Variants in HVCN1 observed in about 807,000 individuals in gnomAD.
HVCN1 encodes the protein voltage-gated hydrogen channel 1.
HVCN1 carries 14 observed loss-of-function variants against 29.2 expected under a neutral mutation model. The ratio of observed to expected loss-of-function variants is 0.48; its 90% CI spans 0.32 to 0.75. HVCN1 has a LOEUF of 0.75. HVCN1 is among the 30% of genes least tolerant of loss of function. The pLI is 0.04. For synonymous variants in HVCN1, 131 were observed against 133.2 expected (o/e 0.98, Z 0.11); for missense variants, 263 against 341.8 (o/e 0.77, Z 1.82).
At chr12:110,697,649 C>CT (rs570801385) in intron 2 of HVCN1, among the ~76,000 whole-genome samples, 4,617 of 134,190 alleles carry the variant, frequency 0.034, 271 homozygotes, top group African/African-American at 0.11. Context: ...CGCGAAGCAT[C>CT]TTTTTTTTTT....
At chr12:110,692,152 G>C (rs374568729), upstream of HVCN1, among the ~76,000 whole-genome samples, 244 of 152,192 alleles carry the variant, frequency 1.6e-3, 2 homozygotes, top group African/African-American at 5.7e-3. Context: ...AATAAGATTG[G>C]GGTGCCCTCC....
chr12:110,675,318 G>C (rs1236194430), intron 3 of HVCN1, among the ~76,000 whole-genome samples: 1 of 152,268 alleles, frequency 6.6e-6, no homozygotes, highest in South Asian at 2.1e-4. Context: ...AATTAGCCAG[G>C]CGTGGTGGCG....
intron 5 of HVCN1, among the ~76,000 whole-genome samples, chr12:110,652,738 A>G (rs1338615984): frequency 1.3e-5 from 2 of 152,232 alleles, no homozygotes; most frequent in Admixed American, 6.5e-5. Context: ...TGTAGAAGGA[A>G]AGACAGAAAA....
At chr12:110,650,101 T>TC in intron 7 of HVCN1, 67 bp downstream of exon 7, 1 of 1,100,108 alleles carries the variant, frequency 9.1e-7, no homozygotes. Flanking sequence ...TGCCTTGGCC[T>TC]CCCAAAGTGC....
Position 110,649,100 on chromosome 12 carries a change from G to A in HVCN1, c.*310C>T, listed in dbSNP as rs945272130. On this transcript the variant is annotated 3_prime_UTR_variant, in exon 8 of 8. Coordinates refer to ENST00000242607, the MANE Select transcript of HVCN1 (RefSeq NM_032369.4). ...CGTGAAATTTGAAAACTGTACATTC[G>A]GTGAGATTAAATTTTATATACAACT... 3 of 624,522 alleles carry A rather than the reference G, an allele frequency of 4.8e-6. No homozygotes were observed. The highest frequency in any genetic ancestry group is 1.8e-5 in the African/African-American group (1 of 55,564). The allele number at this position is 624,522 out of a possible 1,614,324, so 38.7% of individuals were successfully genotyped here.
intron 1 of HVCN1, among the ~76,000 whole-genome samples, chr12:110,703,658 CTTTG>C (rs968014214): frequency 1.3e-5 from 2 of 149,058 alleles, no homozygotes; most frequent in Non-Finnish European, 3.0e-5. Context: ...GACCGCCCCA[CTTTG>C]TTTATTTATT....
intron 3 of HVCN1, among the ~76,000 whole-genome samples, chr12:110,678,602 C>T (rs1291415584): frequency 6.6e-6 from 1 of 151,760 alleles, no homozygotes; most frequent in Non-Finnish European, 1.5e-5. Flanking sequence ...AGGTATGCAC[C>T]ACCACGCCTG....
At chr12:110,675,584 G>T (rs1004384557) in intron 3 of HVCN1, among the ~76,000 whole-genome samples, 3 of 152,052 alleles carry the variant, frequency 2.0e-5, no homozygotes, top group Non-Finnish European at 4.4e-5. Flanking sequence ...CAGAAAAGTA[G>T]ATTTTTTTTT....
chr12:110,678,658 C>T (rs2068838565), intron 3 of HVCN1, among the ~76,000 whole-genome samples: 1 of 151,930 alleles, frequency 6.6e-6, no homozygotes, highest in Admixed American at 6.6e-5. Flanking sequence ...CTCCATGTTA[C>T]TCAGGCTGGT....
chr12:110,655,203 G>T, intron 5 of HVCN1, 31 bp downstream of exon 5: 2 of 1,537,620 alleles, frequency 1.3e-6, no homozygotes, highest in Non-Finnish European at 1.8e-6. Flanking sequence ...AAACATATCA[G>T]TAAGACCCCA....
chr12:110,687,960 T>C (rs555143716), intron 2 of HVCN1: 7 of 152,498 alleles, frequency 4.6e-5, no homozygotes, highest in East Asian at 1.9e-4. Flanking sequence ...GCCAGAGAAG[T>C]TGCCACCCCC....
At chr12:110,687,718 A>G (rs2069247967) in intron 2 of HVCN1, among the ~76,000 whole-genome samples, 1 of 152,118 alleles carries the variant, frequency 6.6e-6, no homozygotes, top group African/African-American at 2.4e-5. Flanking sequence ...TCGCTAGCCT[A>G]GACTGTGGGG....
chr12:110,666,578 A>AT (rs1465390098), intron 3 of HVCN1, among the ~76,000 whole-genome samples: 1 of 152,208 alleles, frequency 6.6e-6, no homozygotes, highest in Admixed American at 6.5e-5. Flanking sequence ...GTGTACTTGT[A>AT]GTGCATGGCC....
At chr12:110,681,736 C>G (rs539844320) in intron 3 of HVCN1, among the ~76,000 whole-genome samples, 1 of 152,154 alleles carries the variant, frequency 6.6e-6, no homozygotes, top group African/African-American at 2.4e-5. Context: ...CTCACCCCTG[C>G]TGCTGCCCTG....
chr12:110,661,550 G>A lies in HVCN1; in HGVS notation c.22-102C>T. ...CCACTGCAGGTGAAGATGGTCCCGG[G>A]TGCGTAGAACCCCCTGCAAGCAGAG... On this transcript the variant is annotated intron_variant, in intron 3 of 7. Transcript: ENST00000242607. The surrounding 1 kb of genome is among the most constrained non-coding windows in gnomAD (Gnocchi z 6.2). 1 of 1,124,604 alleles carries A rather than the reference G, an allele frequency of 8.9e-7. No individual in the cohort carries two copies. Among genetic ancestry groups the A allele is most frequent in the Non-Finnish European group, 1.3e-6 (1 of 787,210 alleles). The allele number at this position is 1,124,604 out of a possible 1,614,324, so 69.7% of individuals were successfully genotyped here.
chr12:110,651,923 TACTC>T (rs1006724958), intron 5 of HVCN1, among the ~76,000 whole-genome samples: 30 of 152,194 alleles, frequency 2.0e-4, no homozygotes, highest in African/African-American at 7.0e-4. Context: ...TAGTCCCAGT[TACTC>T]AGGAGGCTAG....
chr12:110,695,741 G>C (rs1354469188), intron 2 of HVCN1, among the ~76,000 whole-genome samples: 8 of 152,230 alleles, frequency 5.3e-5, no homozygotes, highest in Admixed American at 5.2e-4. Context: ...AACCTTTTCA[G>C]AAGAGAGAAC....
chr12:110,697,541 A>G (rs2069511451), intron 2 of HVCN1, among the ~76,000 whole-genome samples: 1 of 152,124 alleles, frequency 6.6e-6, no homozygotes. Flanking sequence ...ATGGGAGGAC[A>G]GCTGGAGGGG....
At chr12:110,699,666 G>A (rs1157644221) in intron 2 of HVCN1, among the ~76,000 whole-genome samples, 2 of 152,112 alleles carry the variant, frequency 1.3e-5, no homozygotes, top group Non-Finnish European at 2.9e-5. Context: ...GGCCAGTGAT[G>A]ATGATAACGG....
Sources: allele counts gnomAD v4.1 joint callset (sites outside exome capture counted in the v4.1 genomes callset), GRCh38; gene constraint gnomAD v4.1.1; non-coding constraint Gnocchi (gnomAD v3.1); transcripts MANE v1.5; gene names NCBI Gene and HGNC (gene_info 2026-07-23, HGNC 2026-07-21).